GSC2: variants seen among roughly 807,000 people sequenced by gnomAD.
GSC2 encodes the protein homeobox protein goosecoid-2.
GSC2 carries 12 observed loss-of-function variants against 11.3 expected under a neutral mutation model. The ratio of observed to expected loss-of-function variants is 1.06; its 90% confidence interval spans 0.68 to 1.72. The LOEUF (loss-of-function observed/expected upper bound fraction) is 1.72, where lower values mean the gene tolerates loss of function less well. GSC2 is among the 40% of genes most tolerant of loss of function. GSC2 has a pLI of 0.00. For synonymous variants in GSC2, 148 were observed against 110.0 expected (o/e 1.35, Z -2.16); for missense variants, 310 against 235.7 (o/e 1.32, Z -2.06).
chr22:19,148,725 C>T lies in GSC2; in HGVS notation c.*266G>A, dbSNP rs748947202. ...CTCCTGCGGTGGAGTTAGTGTCTCT[C>T]GGGGGGTAGGGAGCTGAGGAAACTG... is the stretch of plus-strand genomic sequence containing the variant. On this transcript the variant is annotated 3_prime_UTR_variant, in exon 3 of 3. Transcript: ENST00000086933. The T allele has an allele frequency of 2.2e-6, 1 of 449,170 alleles. No homozygotes were observed. Among genetic ancestry groups the T allele is most frequent in the Non-Finnish European group, 4.0e-6 (1 of 253,140 alleles). 27.8% of individuals were successfully genotyped at this position (449,170 alleles called of 1,614,324 possible).
In GSC2 at chr22:19,149,846, A is replaced by G. The variant is rs2083817957; in HGVS notation, c.330T>C (p.Gly110=). ...CGACCGCGCCCGGGAGCGCCCCGGA[A>G]CCTCCGGCTGGCGCACCCAGAGACA... The part of the protein sequence containing the change: ...VPLSLGAPAG[G]SGALPGAVGP... Residue 110 remains glycine, a synonymous_variant, in exon 2 of 3, where the codon GGT becomes GGC. Coordinates refer to ENST00000086933, the MANE Select transcript of GSC2 (RefSeq NM_005315.2). 1 of 1,521,708 alleles carries G rather than the reference A, an allele frequency of 6.6e-7. No homozygotes were observed. Among genetic ancestry groups the G allele is most frequent in the Non-Finnish European group, 8.8e-7 (1 of 1,138,996 alleles). The allele number at this position is 1,521,708 out of a possible 1,614,324, so 94.3% of individuals were successfully genotyped here. A position where few individuals can be genotyped will look rare whatever the true frequency, so the allele number is the denominator to read the frequency against.
Position 19,148,770 on chromosome 22 carries a change from C to A in GSC2, c.*221G>T. On this transcript the variant is annotated 3_prime_UTR_variant, in exon 3 of 3. Coordinates refer to ENST00000086933, the MANE Select transcript of GSC2 (RefSeq NM_005315.2). ...AAACTGCTCTATGCCCCAGCCCACC[C>A]CCAAGGGACTCGCCACTCCCACTGC... The A allele has an allele frequency of 1.9e-6, 1 of 531,450 alleles. No individual in the cohort carries two copies. Among genetic ancestry groups the A allele is most frequent in the Non-Finnish European group, 3.3e-6 (1 of 300,726 alleles). 32.9% of individuals were successfully genotyped at this position (531,450 alleles called of 1,614,324 possible).
At position 19,148,919 on chromosome 22, in the gene GSC2, C is replaced by A; in HGVS notation, c.*72G>T. The A allele has an allele frequency of 4.4e-6, 4 of 903,022 alleles. No homozygotes were observed. The South Asian group carries it at 6.0e-5, about 14-fold the overall frequency. The allele number at this position is 903,022 out of a possible 1,614,324, so 55.9% of individuals were successfully genotyped here. A position where few individuals can be genotyped will look rare whatever the true frequency, so the allele number is the denominator to read the frequency against. On this transcript the variant is annotated 3_prime_UTR_variant, in exon 3 of 3. Coordinates refer to ENST00000086933, the MANE Select transcript of GSC2 (RefSeq NM_005315.2). ...TCTCCCAGCTCCTTTTCGGGTAGACCTGTCTTCTCTCAGCGCCAACTCCAA... is the reference window on the plus strand; with the variant it reads ...TCTCCCAGCTCCTTTTCGGGTAGACATGTCTTCTCTCAGCGCCAACTCCAA...
In GSC2 at chr22:19,149,021, G is replaced by T. The variant is rs781978136; in HGVS notation, c.588C>A (p.Gly196=). ...RASASARLLP[G]VKKSPKGSC Reference sequence around the variant, plus strand: ...AGCTCCCCTTCGGGGACTTCTTGACGCCGGGCAGGAGCCTCGCGGAAGCCG... The same window carrying T: ...AGCTCCCCTTCGGGGACTTCTTGACTCCGGGCAGGAGCCTCGCGGAAGCCG... The change falls in exon 3 of 3, where the codon GGC becomes GGA. Residue 196 remains glycine (G), a synonymous_variant. Transcript: ENST00000086933. 6.2e-7 allele frequency: 1 copy of T among 1,600,486 alleles called. No individual in the cohort carries two copies. The highest frequency in any genetic ancestry group is 2.3e-5 in the East Asian group (1 of 44,252).
At chr22:19,149,225 C>T in intron 2 of GSC2, 130 bp from the exon 3 acceptor site, 2 of 588,526 alleles carry the variant, frequency 3.4e-6, no homozygotes, top group East Asian at 6.6e-5. Context: ...GAGCCGACAC[C>T]CGGGCCGCGG....
chr22:19,149,762 C>T lies in GSC2; in HGVS notation c.414G>A (p.Leu138=). ...GCACGAAAAGCGCCTCGAGCGCCTG[C>T]AGCTGCTCTTCGCTGAAGATGGTGC... ...RHRTIFSEEQ[L]QALEALFVQN... The change falls in exon 2 of 3, where the codon CTG becomes CTA. Residue 138 remains leucine, a synonymous_variant. Coordinates refer to ENST00000086933, the MANE Select transcript of GSC2 (RefSeq NM_005315.2). 6.3e-7 allele frequency: 1 copy of T among 1,596,648 alleles called. No individual in the cohort carries two copies.
rs1555918120 is a variant in GSC2 at position 19,149,879 on chromosome 22, C to A, written c.297G>T (p.Ala99=). 20 of 1,449,854 alleles carry A rather than the reference C, an allele frequency of 1.4e-5. No homozygotes were observed. The highest frequency in any genetic ancestry group is 1.8e-5 in the Non-Finnish European group (20 of 1,107,562). The allele number at this position is 1,449,854 out of a possible 1,614,324, so 89.8% of individuals were successfully genotyped here. Residue 99 remains alanine, a synonymous_variant, in exon 2 of 3, where the codon GCG becomes GCT. Transcript: ENST00000086933. The part of the protein sequence containing the change: ...RLAWPLRLGP[A]VPLSLGAPAG... The stretch of plus-strand genomic sequence containing the variant: ...CTGGCGCACCCAGAGACAAGGGCAC[C>A]GCCGGTCCCAGCCTCAGCGGCCACG...
intron 2 of GSC2, 53 bp from the exon 3 acceptor site, chr22:19,149,148 C>T (rs1363996380): frequency 1.4e-5 from 16 of 1,123,304 alleles, no homozygotes; most frequent in Non-Finnish European, 1.9e-5. Flanking sequence ...GTCCCACCGG[C>T]TCCCGAGGGT....
Position 19,150,155 on chromosome 22 carries a change from C to G in GSC2, c.129G>C (p.Gln43His). The G allele has an allele frequency of 2.4e-6, 2 of 823,684 alleles. No homozygotes were observed. The highest frequency in any genetic ancestry group is 1.0e-4 in the South Asian group (2 of 19,576). The allele number at this position is 823,684 out of a possible 1,614,324, so 51.0% of individuals were successfully genotyped here. A position where few individuals can be genotyped will look rare whatever the true frequency, so the allele number is the denominator to read the frequency against. Residue 43 changes from glutamine (Q) to histidine (H), a missense_variant, in exon 1 of 3, where the codon CAG becomes CAC. Coordinates refer to ENST00000086933, the MANE Select transcript of GSC2 (RefSeq NM_005315.2). Reference sequence around the variant, plus strand: ...TCGCGGGGCTCTGGCGACCGGCGGGCTGCGGTGGGCAGGCGGCCCGGGCCG... The same window carrying G: ...TCGCGGGGCTCTGGCGACCGGCGGGGTGCGGTGGGCAGGCGGCCCGGGCCG... ...SLPARAACPP[Q>H]PAGRQSPAKP...
At chr22:19,149,299 C>A (rs1407457370) in intron 2 of GSC2, among the ~76,000 whole-genome samples, 1 of 152,226 alleles carries the variant, frequency 6.6e-6, no homozygotes, top group Non-Finnish European at 1.5e-5. Flanking sequence ...GAGATGGGAA[C>A]CCCCTTAGTA....
rs2083819427 is a variant in GSC2 at position 19,150,019 on chromosome 22, A to G, written c.259+6T>C. 1.9e-6 allele frequency: 2 copies of G among 1,044,564 alleles called. No individual in the cohort carries two copies. Among genetic ancestry groups the G allele is most frequent in the Middle Eastern group, 4.5e-4 (1 of 2,228 alleles). 64.7% of individuals were successfully genotyped at this position (1,044,564 alleles called of 1,614,324 possible). ...GGGCCCCGCGCCCCGCTCCGCGCCCACTCACCCAGCCCGGCGGCCGCCTCT... is the reference window on the plus strand; with the variant it reads ...GGGCCCCGCGCCCCGCTCCGCGCCCGCTCACCCAGCCCGGCGGCCGCCTCT... On this transcript the variant is annotated splice_donor_region_variant and intron_variant, in intron 1 of 2. Coordinates refer to ENST00000086933, the MANE Select transcript of GSC2 (RefSeq NM_005315.2).
Position 19,150,169 on chromosome 22 carries a change from C to T in GSC2, c.115G>A (p.Ala39Thr), listed in dbSNP as rs1191015759. 6.0e-6 allele frequency: 4 copies of T among 671,558 alleles called. No individual in the cohort carries two copies. Among genetic ancestry groups the T allele is most frequent in the South Asian group, 5.9e-5 (1 of 17,044 alleles). The allele number at this position is 671,558 out of a possible 1,614,324, so 41.6% of individuals were successfully genotyped here. A position where few individuals can be genotyped will look rare whatever the true frequency, so the allele number is the denominator to read the frequency against. The change falls in exon 1 of 3, where the codon GCC becomes ACC. Residue 39 changes from alanine to threonine, a missense_variant. By Grantham distance (58) the Ala-to-Thr change is moderately conservative (BLOSUM62 0). Coordinates refer to ENST00000086933, the MANE Select transcript of GSC2 (RefSeq NM_005315.2). ...LPERSLPARA[A>T]CPPQPAGRQS... is the part of the protein sequence containing the mutation. ...CGACCGGCGGGCTGCGGTGGGCAGGCGGCCCGGGCCGGGAGGCTCCGCTCG... is the reference window on the plus strand; with the variant it reads ...CGACCGGCGGGCTGCGGTGGGCAGGTGGCCCGGGCCGGGAGGCTCCGCTCG...
At position 19,149,628 on chromosome 22, in the gene GSC2, G is replaced by A. The variant is rs58918473; in HGVS notation, c.513+35C>T. ...CCCCAGTCCAGTGTAGCCGCGGCCC[G>A]CGCGCTCCGGGGAAAGGCTGGGCGG... On this transcript the variant is annotated intron_variant, in intron 2 of 2. Coordinates refer to ENST00000086933, the MANE Select transcript of GSC2 (RefSeq NM_005315.2). 5.6e-3 allele frequency: 8,283 copies of A among 1,492,424 alleles called. 357 individuals are homozygous for A. The African/African-American group carries it at 0.1, about 18-fold the overall frequency. The allele number at this position is 1,492,424 out of a possible 1,614,324, so 92.4% of individuals were successfully genotyped here. A position where few individuals can be genotyped will look rare whatever the true frequency, so the allele number is the denominator to read the frequency against.
Position 19,148,734 on chromosome 22 carries a change from G to A in GSC2, c.*257C>T. On this transcript the variant is annotated 3_prime_UTR_variant, in exon 3 of 3. Coordinates refer to ENST00000086933, the MANE Select transcript of GSC2 (RefSeq NM_005315.2). ...TGGAGTTAGTGTCTCTCGGGGGGTA[G>A]GGAGCTGAGGAAACTGCTCTATGCC... 2 of 461,470 alleles carry A rather than the reference G, an allele frequency of 4.3e-6. No individual in the cohort carries two copies. Among genetic ancestry groups the A allele is most frequent in the Non-Finnish European group, 3.8e-6 (1 of 260,708 alleles). The allele number at this position is 461,470 out of a possible 1,614,324, so 28.6% of individuals were successfully genotyped here.
chr22:19,149,762 C>G lies in GSC2; in HGVS notation c.414G>C (p.Leu138=). ...GCACGAAAAGCGCCTCGAGCGCCTG[C>G]AGCTGCTCTTCGCTGAAGATGGTGC... ...RHRTIFSEEQ[L]QALEALFVQN... Residue 138 remains leucine (L), a synonymous_variant, in exon 2 of 3, where the codon CTG becomes CTC. Coordinates refer to ENST00000086933, the MANE Select transcript of GSC2 (RefSeq NM_005315.2). The G allele has an allele frequency of 6.3e-7, 1 of 1,596,648 alleles. No individual in the cohort carries two copies. Among genetic ancestry groups the G allele is most frequent in the Non-Finnish European group, 8.5e-7 (1 of 1,173,294 alleles).
rs782096100 is a variant in GSC2, at chr22:19,148,943, A to G, written c.*48T>C. ...CCTGTCTTCTCTCAGCGCCAACTCC[A>G]AAGATCCCAAAAAGGGTGGCCGAGC... is the stretch of plus-strand genomic sequence containing the variant. On this transcript the variant is annotated 3_prime_UTR_variant, in exon 3 of 3. Transcript: ENST00000086933. 3 of 1,170,740 alleles carry G rather than the reference A, an allele frequency of 2.6e-6. No individual in the cohort carries two copies. In the African/African-American group the frequency reaches 4.6e-5, roughly 18 times the overall value. 72.5% of individuals were successfully genotyped at this position (1,170,740 alleles called of 1,614,324 possible). A position where few individuals can be genotyped will look rare whatever the true frequency, so the allele number is the denominator to read the frequency against.
chr22:19,150,190 G>A lies in GSC2; in HGVS notation c.94C>T (p.Arg32Trp). 2.1e-6 allele frequency: 1 copy of A among 481,650 alleles called. No homozygotes were observed. The highest frequency in any genetic ancestry group is 2.8e-6 in the Non-Finnish European group (1 of 354,266). The allele number at this position is 481,650 out of a possible 1,614,324, so 29.8% of individuals were successfully genotyped here. The change falls in exon 1 of 3, where the codon CGG becomes TGG. Residue 32 changes from arginine (R) to tryptophan (W), a missense_variant. Coordinates refer to ENST00000086933, the MANE Select transcript of GSC2 (RefSeq NM_005315.2). Reference protein sequence around the residue: ...IEHILSSLPERSLPARAACPP... With the variant: ...IEHILSSLPEWSLPARAACPP... ...CAGGCGGCCCGGGCCGGGAGGCTCC[G>A]CTCGGGCAGGCTGGAGAGGATGTGC...
chr22:19,148,741 G>C lies in GSC2; in HGVS notation c.*250C>G, dbSNP rs1048121473. ...AGTGTCTCTCGGGGGGTAGGGAGCT[G>C]AGGAAACTGCTCTATGCCCCAGCCC... On this transcript the variant is annotated 3_prime_UTR_variant, in exon 3 of 3. Coordinates refer to ENST00000086933, the MANE Select transcript of GSC2 (RefSeq NM_005315.2). 6.3e-6 allele frequency: 3 copies of C among 475,618 alleles called. No homozygotes were observed. Among genetic ancestry groups the C allele is most frequent in the Non-Finnish European group, 7.4e-6 (2 of 269,344 alleles). The allele number at this position is 475,618 out of a possible 1,614,324, so 29.5% of individuals were successfully genotyped here.
rs1555918104 is a variant in GSC2, at chr22:19,149,839, C to T, written c.337G>A (p.Ala113Thr). Residue 113 changes from alanine to threonine, a missense_variant, in exon 2 of 3, where the codon GCG becomes ACG. Physicochemically the swap from Ala to Thr is moderately conservative, Grantham distance 58 (BLOSUM62 0). Transcript: ENST00000086933. ...CCCGGGCCGACCGCGCCCGGGAGCG[C>T]CCCGGAACCTCCGGCTGGCGCACCC... ...SLGAPAGGSGALPGAVGPGSQ... is the reference protein window; with the variant it reads ...SLGAPAGGSGTLPGAVGPGSQ... 1 of 1,538,096 alleles carries T rather than the reference C, an allele frequency of 6.5e-7. No individual in the cohort carries two copies. Among genetic ancestry groups the T allele is most frequent in the Non-Finnish European group, 8.7e-7 (1 of 1,146,714 alleles).
Sources: gnomAD v4.1 joint callset for allele counts (sites outside exome capture counted in the v4.1 genomes callset) on GRCh38, gnomAD v4.1.1 for gene constraint, MANE v1.5 for transcripts, NCBI Gene and HGNC (gene_info 2026-07-23, HGNC 2026-07-21) for gene names.